Variants in LAP3 observed in about 807,000 individuals in gnomAD.
LAP3 encodes the protein cytosol aminopeptidase.
Under a neutral mutation model 58.8 loss-of-function variants are expected in LAP3, and 46 were observed. That is an observed-to-expected ratio of 0.78 (90% confidence interval 0.62 to 1.00). The LOEUF is 1.00. LAP3 is among the 50% of genes least tolerant of loss of function. The pLI is 0.00. For synonymous variants in LAP3, 257 were observed against 237.7 expected, an observed-to-expected ratio of 1.08 and a Z score of -0.75; for missense variants, 615 against 659.1, an observed-to-expected ratio of 0.93 and a Z score of 0.73.
intron 7 of LAP3, among the ~76,000 whole-genome samples, chr4:17,591,073 C>CTTTTG (rs1713675801): frequency 6.9e-6 from 1 of 145,100 alleles, no homozygotes. Context: ...CCAGCCTAAA[C>CTTTTG]TTTTGTTTTG....
At chr4:17,587,112 A>T (rs1313248119) in intron 6 of LAP3, among the ~76,000 whole-genome samples, 1 of 152,198 alleles carries the variant, frequency 6.6e-6, no homozygotes, top group African/African-American at 2.4e-5. Flanking sequence ...TCTCAAAAAA[A>T]GACTGGAGCC....
At position 17,582,356 on chromosome 4, in the gene LAP3, G is replaced by T; in HGVS notation, c.342G>T (p.Trp114Cys). The T allele has an allele frequency of 6.2e-7, 1 of 1,613,948 alleles. No homozygotes were observed. The highest frequency in any genetic ancestry group is 1.3e-5 in the African/African-American group (1 of 74,922). Reference protein sequence around the residue: ...KAAGIDEQENWHEGKENIRAA... With the variant: ...KAAGIDEQENCHEGKENIRAA... The stretch of plus-strand genomic sequence containing the variant: ...CTGGAATCGACGAACAGGAAAACTG[G>T]CATGAAGGCAAAGAAAACATCAGAG... Residue 114 changes from tryptophan to cysteine, a missense_variant, in exon 4 of 13, where the codon TGG becomes TGT. Physicochemically the swap from Trp to Cys is radical, Grantham distance 215 (BLOSUM62 -2). Transcript: ENST00000226299.
chr4:17,603,743 A>T (rs1021379562), intron 10 of LAP3, among the ~76,000 whole-genome samples: 1 of 150,508 alleles, frequency 6.6e-6, no homozygotes, highest in Non-Finnish European at 1.5e-5. Context: ...CAAACTCCCA[A>T]CCTCAGGTGA....
chr4:17,593,532 C>G (rs1413519384), intron 7 of LAP3, among the ~76,000 whole-genome samples: 1 of 150,596 alleles, frequency 6.6e-6, no homozygotes, highest in East Asian at 2.0e-4. Context: ...CATGAGTCCT[C>G]CAGCTTTGCT....
intron 10 of LAP3, among the ~76,000 whole-genome samples, chr4:17,599,161 T>G (rs1713925005): frequency 6.6e-6 from 1 of 152,166 alleles, no homozygotes; most frequent in Non-Finnish European, 1.5e-5. Context: ...ATTACAGAAG[T>G]GAGCCACTGT....
rs769427768 is a variant in LAP3, at chr4:17,577,554, C to T, written c.89C>T (p.Ala30Val). 98 of 1,563,254 alleles carry T rather than the reference C, an allele frequency of 6.3e-5. No homozygotes were observed. The highest frequency in any genetic ancestry group is 8.3e-5 in the Non-Finnish European group (96 of 1,155,318). Reference sequence around the variant, plus strand: ...TTCGGGAGCCGGAGTCTCTCCACCGCAGACATGACGAAGGTGAGAGGCGGC... The same window carrying T: ...TTCGGGAGCCGGAGTCTCTCCACCGTAGACATGACGAAGGTGAGAGGCGGC... ...RRFGSRSLST[A>V]DMTKGLVLGI... The change falls in exon 1 of 13, where the codon GCA becomes GTA. Residue 30 changes from alanine to valine, a missense_variant. Ala to Val is a moderately conservative substitution (Grantham distance 64). Transcript: ENST00000226299.
chr4:17,592,023 A>AGG (rs773174048), intron 7 of LAP3, among the ~76,000 whole-genome samples: 2 of 152,152 alleles, frequency 1.3e-5, no homozygotes, highest in South Asian at 2.1e-4. Context: ...TGGGAAGCTG[A>AGG]GGTAGGAGGA....
In LAP3 at chr4:17,598,136, G is replaced by C. The variant is rs540610633; in HGVS notation, c.1078-320G>C. Among the ~76,000 whole-genome samples the C allele has an allele frequency of 6.6e-5, 10 of 152,168 alleles. No individual in the cohort carries two copies. In the East Asian group the frequency reaches 1.7e-3, roughly 26 times the overall value. The stretch of plus-strand genomic sequence containing the variant: ...CAAAGTCATCAACATTAGGTCATCA[G>C]CTCTGGTACAGTGATTATTATATTA... On this transcript the variant is annotated intron_variant, in intron 9 of 12. Coordinates refer to ENST00000226299, the MANE Select transcript of LAP3 (RefSeq NM_015907.3).
chr4:17,602,668 A>G (rs927976779), intron 10 of LAP3, among the ~76,000 whole-genome samples: 9 of 152,078 alleles, frequency 5.9e-5, no homozygotes, highest in African/African-American at 2.2e-4. Context: ...ATTTTCCAAC[A>G]TTTGTTTATA....
chr4:17,601,525 T>C (rs1713981779), intron 10 of LAP3, among the ~76,000 whole-genome samples: 1 of 151,406 alleles, frequency 6.6e-6, no homozygotes, highest in Admixed American at 6.6e-5. Context: ...TGAATAATTA[T>C]ATAAAAAACC....
At chr4:17,582,626 T>C (rs764223654) in intron 4 of LAP3, 2 of 399,566 alleles carry the variant, frequency 5.0e-6, no homozygotes, top group Non-Finnish European at 9.1e-6. Context: ...TTTGGGTGTT[T>C]TACTACCATT....
At chr4:17,598,341 A>T in intron 9 of LAP3, 115 bp from the exon 10 acceptor site, 1 of 747,684 alleles carries the variant, frequency 1.3e-6, no homozygotes, top group Non-Finnish European at 2.4e-6. Context: ...ATGGTTTGAT[A>T]ATGACACACG....
intron 10 of LAP3, among the ~76,000 whole-genome samples, chr4:17,603,831 TTTC>T (rs1714042380): frequency 2.7e-5 from 1 of 36,484 alleles, no homozygotes; most frequent in African/African-American, 6.6e-5. Context: ...TTTTTCTTTC[TTTC>T]TTTTTTTTTT....
chr4:17,605,188 C>T (rs555279632), intron 11 of LAP3, among the ~76,000 whole-genome samples: 2 of 152,070 alleles, frequency 1.3e-5, no homozygotes, highest in Admixed American at 1.3e-4. Flanking sequence ...GTCCACACCA[C>T]TGTTAGCCTA....
chr4:17,591,264 C>T (rs1360043872), intron 7 of LAP3, among the ~76,000 whole-genome samples: 1 of 151,668 alleles, frequency 6.6e-6, no homozygotes, highest in East Asian at 1.9e-4. Context: ...ATTTTTAGTC[C>T]CGAGTAGCTG....
chr4:17,603,050 GTAATCCCAGCACTTTGGGAGGCC>G (rs1714018881), intron 10 of LAP3, among the ~76,000 whole-genome samples: 1 of 150,678 alleles, frequency 6.6e-6, no homozygotes, highest in African/African-American at 2.4e-5. Context: ...GCTCACACCT[GTAATCCCAGCACTTTGGGAGGCC>G]GAGGTGGGTG....
At chr4:17,592,572 C>T (rs1448455493) in intron 7 of LAP3, among the ~76,000 whole-genome samples, 1 of 152,132 alleles carries the variant, frequency 6.6e-6, no homozygotes, top group African/African-American at 2.4e-5. Flanking sequence ...GCGTAAATAC[C>T]TAGGAAAACA....
At chr4:17,600,174 C>T (rs1713948295) in intron 10 of LAP3, among the ~76,000 whole-genome samples, 1 of 152,194 alleles carries the variant, frequency 6.6e-6, no homozygotes, top group Admixed American at 6.5e-5. Context: ...GACTCTACCT[C>T]TTTTAAGATG....
chr4:17,582,396 T>A lies in LAP3; in HGVS notation c.379+3T>A. The A allele has an allele frequency of 6.2e-7, 1 of 1,606,784 alleles. No homozygotes were observed. Among genetic ancestry groups the A allele is most frequent in the Non-Finnish European group, 8.5e-7 (1 of 1,174,910 alleles). ...AAACATCAGAGCTGCTGTTGCAGGT[T>A]ATTTCACTTTTTAAGTTTAAAGAAT... On this transcript the variant is annotated splice_donor_region_variant and intron_variant, in intron 4 of 12. Transcript: ENST00000226299.
Sources: gnomAD v4.1 joint callset for allele counts (sites outside exome capture counted in the v4.1 genomes callset) on GRCh38, gnomAD v4.1.1 for gene constraint, MANE v1.5 for transcripts, NCBI Gene and HGNC (gene_info 2026-07-23, HGNC 2026-07-21) for gene names.